Variants in RAG1 observed in about 807,000 individuals in gnomAD.
RAG1 encodes the protein recombination activating 1, also known as V(D)J recombination-activating protein 1.
Under a neutral mutation model 62.7 loss-of-function variants are expected in RAG1, and 35 were observed. The ratio of observed to expected loss-of-function variants is 0.56; its 90% CI spans 0.43 to 0.74. The LOEUF is 0.74. RAG1 is among the 30% of genes least tolerant of loss of function. The pLI is 0.00. For synonymous variants in RAG1, 461 were observed against 470.3 expected (o/e 0.98, Z 0.26); for missense variants, 1,169 against 1,278.6 (o/e 0.91, Z 1.31).
At chr11:36,539,047 T>C (rs1046097562), downstream of RAG1, among the ~76,000 whole-genome samples, 3 of 152,208 alleles carry the variant, frequency 2.0e-5, no homozygotes, top group Non-Finnish European at 2.9e-5. Context: ...GTGGATTGAA[T>C]TGTGTACCCC....
intron 3 of RAG1, among the ~76,000 whole-genome samples, chr11:36,557,600 C>A (rs369804307): frequency 2.6e-5 from 4 of 152,046 alleles, no homozygotes; most frequent in African/African-American, 9.7e-5. Flanking sequence ...AGCTGTAGAC[C>A]GGAGCTGTTC....
At chr11:36,514,016 G>C (rs1428550583) in intron 1 of RAG1, among the ~76,000 whole-genome samples, 1 of 152,186 alleles carries the variant, frequency 6.6e-6, no homozygotes, top group Non-Finnish European at 1.5e-5. Flanking sequence ...AGACATTGTA[G>C]CTTCTGTCTT....
chr11:36,533,170 C>T (rs1388505581), intron 2 of RAG1, among the ~76,000 whole-genome samples: 1 of 152,128 alleles, frequency 6.6e-6, no homozygotes, highest in East Asian at 1.9e-4. Context: ...TCCTTCAACA[C>T]GTAGGCCCAG....
intron 2 of RAG1, among the ~76,000 whole-genome samples, chr11:36,525,493 C>T (rs1024764457): frequency 6.6e-6 from 1 of 152,050 alleles, no homozygotes; most frequent in Admixed American, 6.6e-5. Context: ...AGAATTCATA[C>T]TTTTACTATA....
intron 1 of RAG1, among the ~76,000 whole-genome samples, chr11:36,572,303 C>T (rs1850760464): frequency 6.6e-6 from 1 of 152,220 alleles, no homozygotes; most frequent in African/African-American, 2.4e-5. Context: ...AGAGAGTACA[C>T]TTCACATGGC....
At chr11:36,525,418 A>G (rs1860145314) in intron 2 of RAG1, among the ~76,000 whole-genome samples, 1 of 152,142 alleles carries the variant, frequency 6.6e-6, no homozygotes, top group African/African-American at 2.4e-5. Context: ...AATATTGTCA[A>G]TCTTAAACAA....
chr11:36,574,108 C>T lies in RAG1; in HGVS notation c.804C>T (p.Asn268=), dbSNP rs1343629489. The change falls in exon 2 of 2, where the codon AAC becomes AAT. Residue 268 remains asparagine, a synonymous_variant. Coordinates refer to ENST00000299440, the MANE Select transcript of RAG1 (RefSeq NM_000448.3). Reference sequence around the variant, plus strand: ...AGGATGTCATGAAGAAGATCGCCAACTGCAGTAAGATACATCTTAGTACCA... The same window carrying T: ...AGGATGTCATGAAGAAGATCGCCAATTGCAGTAAGATACATCTTAGTACCA... ...SSKDVMKKIA[N]CSKIHLSTKL... is the part of the protein sequence containing the mutation. 1.2e-6 allele frequency: 2 copies of T among 1,614,198 alleles called. No individual in the cohort carries two copies. Among genetic ancestry groups the T allele is most frequent in the African/African-American group, 2.7e-5 (2 of 75,042 alleles).
upstream of RAG1, chr11:36,565,832 C>G (rs539788353): frequency 6.6e-6 from 1 of 152,088 alleles, no homozygotes; most frequent in South Asian, 2.1e-4. Flanking sequence ...GATTTCAACA[C>G]GGATGGGAGA....
At chr11:36,526,575 A>G (rs900870288) in intron 2 of RAG1, among the ~76,000 whole-genome samples, 3 of 152,216 alleles carry the variant, frequency 2.0e-5, no homozygotes, top group Non-Finnish European at 4.4e-5. Context: ...AGCATGATTT[A>G]TAATCCTTTG....
chr11:36,527,785 C>T (rs1403886039), intron 2 of RAG1, among the ~76,000 whole-genome samples: 5 of 152,088 alleles, frequency 3.3e-5, no homozygotes, highest in African/African-American at 4.8e-5. Flanking sequence ...AGAGGTCCTT[C>T]ACATCCTTTG....
chr11:36,513,862 A>T (rs1210198699), intron 1 of RAG1, among the ~76,000 whole-genome samples: 2 of 152,210 alleles, frequency 1.3e-5, no homozygotes, highest in Non-Finnish European at 1.5e-5. Context: ...TGATTCAGTT[A>T]TCTCCCACTG....
intron 3 of RAG1, among the ~76,000 whole-genome samples, chr11:36,544,261 G>A (rs1850358783): frequency 6.6e-6 from 1 of 152,142 alleles, no homozygotes; most frequent in Admixed American, 6.5e-5. Flanking sequence ...ACAATCCTAA[G>A]TGTTCTTATC....
At chr11:36,567,316 C>T (rs547279461), upstream of RAG1, 1 of 152,244 alleles carries the variant, frequency 6.6e-6, no homozygotes, top group African/African-American at 2.4e-5. Context: ...AAGCCTAGCC[C>T]ATTGCTCTCA....
At chr11:36,558,462 A>G (rs1022318340) in intron 3 of RAG1, among the ~76,000 whole-genome samples, 2 of 152,240 alleles carry the variant, frequency 1.3e-5, no homozygotes, top group East Asian at 3.8e-4. Flanking sequence ...TGTTGGGTGC[A>G]TGTAAATTCA....
At chr11:36,523,772 T>C (rs1275888517) in intron 2 of RAG1, among the ~76,000 whole-genome samples, 1 of 152,238 alleles carries the variant, frequency 6.6e-6, no homozygotes, top group Admixed American at 6.5e-5. Flanking sequence ...TTTGAGATCA[T>C]TGTAAATTTA....
intron 3 of RAG1, among the ~76,000 whole-genome samples, chr11:36,560,944 T>C (rs1850575761): frequency 6.6e-6 from 1 of 152,174 alleles, no homozygotes; most frequent in African/African-American, 2.4e-5. Flanking sequence ...CAAAGTGTAG[T>C]TATTTGTTTG....
chr11:36,550,891 T>C (rs1850472198), intron 3 of RAG1, among the ~76,000 whole-genome samples: 1 of 152,162 alleles, frequency 6.6e-6, no homozygotes, highest in Non-Finnish European at 1.5e-5. Context: ...GTCATGTGAC[T>C]AACCCTGGAT....
At chr11:36,521,796 G>T (rs1434568959) in intron 2 of RAG1, among the ~76,000 whole-genome samples, 1 of 152,184 alleles carries the variant, frequency 6.6e-6, no homozygotes, top group African/African-American at 2.4e-5. Context: ...CCAGGCTGAG[G>T]TGGTATCAGA....
chr11:36,518,428 T>A (rs913363800), intron 1 of RAG1, among the ~76,000 whole-genome samples: 10 of 152,196 alleles, frequency 6.6e-5, no homozygotes, highest in African/African-American at 2.2e-4. Flanking sequence ...TGACTTCCAC[T>A]ATAGTTGAAC....
Sources: gnomAD v4.1 joint callset for allele counts (sites outside exome capture counted in the v4.1 genomes callset) on GRCh38, gnomAD v4.1.1 for gene constraint, MANE v1.5 for transcripts, NCBI Gene and HGNC (gene_info 2026-07-23, HGNC 2026-07-21) for gene names.